Variants in SLC13A5 observed in about 807,000 individuals in gnomAD.
SLC13A5 encodes solute carrier family 13 member 5.
Under a neutral mutation model 56.5 loss-of-function variants are expected in SLC13A5, and 25 were observed. The observed-to-expected ratio is 0.44, with a 90% CI of 0.32 to 0.62. The LOEUF is 0.62. Ranked by LOEUF, SLC13A5 falls within the 20% of genes least tolerant of loss-of-function variation. The pLI is 0.04. For synonymous variants in SLC13A5, 307 were observed against 301.5 expected (o/e 1.02, Z -0.19); for missense variants, 649 against 737.8 (o/e 0.88, Z 1.39).
chr17:6,708,388 C>A (rs865946573), intron 1 of SLC13A5, among the ~76,000 whole-genome samples: 1 of 151,664 alleles, frequency 6.6e-6, no homozygotes, highest in African/African-American at 2.4e-5. Context: ...AACTGTCCTT[C>A]TACCACCACA....
intron 1 of SLC13A5, among the ~76,000 whole-genome samples, chr17:6,709,212 C>T (rs1973952065): frequency 6.6e-6 from 1 of 151,940 alleles, no homozygotes; most frequent in South Asian, 2.1e-4. Flanking sequence ...CCAGAACAGG[C>T]CCAACACTTA....
At position 6,696,234 on chromosome 17, in the gene SLC13A5, C is replaced by T. The variant is rs770120388; in HGVS notation, c.840-293G>A. ...CCTGGGGGAAGGCCATAAGGAGCTTCGGAGCCTGCGCAAGGTGGGAACAGG... is the reference window on the plus strand; with the variant it reads ...CCTGGGGGAAGGCCATAAGGAGCTTTGGAGCCTGCGCAAGGTGGGAACAGG... On this transcript the variant is annotated intron_variant, in intron 6 of 11. Coordinates refer to ENST00000433363, the MANE Select transcript of SLC13A5 (RefSeq NM_177550.5). Among the ~76,000 whole-genome samples, 8 of 152,150 alleles carry T rather than the reference C, an allele frequency of 5.3e-5. No individual in the cohort carries two copies. In the South Asian group the frequency reaches 6.2e-4, roughly 12 times the overall value.
chr17:6,696,029 T>A, intron 6 of SLC13A5, 88 bp from the exon 7 acceptor site: 3 of 1,280,588 alleles, frequency 2.3e-6, no homozygotes, highest in Admixed American at 4.0e-5. Flanking sequence ...TACAGCAGAA[T>A]GTAGCAAAAA....
At chr17:6,710,561 C>T (rs1174569499) in intron 1 of SLC13A5, among the ~76,000 whole-genome samples, 1 of 152,138 alleles carries the variant, frequency 6.6e-6, no homozygotes, top group Non-Finnish European at 1.5e-5. Context: ...AGGTTAACTG[C>T]CCCCTCACCT....
Position 6,707,142 on chromosome 17 carries a change from G to C in SLC13A5, c.117C>G (p.Ala39=). The C allele has an allele frequency of 6.2e-7, 1 of 1,613,978 alleles. No individual in the cohort carries two copies. The highest frequency in any genetic ancestry group is 8.5e-7 in the Non-Finnish European group (1 of 1,179,982). The change falls in exon 2 of 12, where the codon GCC becomes GCG. Residue 39 remains alanine (A), a synonymous_variant. Coordinates refer to ENST00000433363, the MANE Select transcript of SLC13A5 (RefSeq NM_177550.5). ...ILMPAKFVRC[A]YVIILMAIYW... Reference sequence around the variant, plus strand: ...AAATGGCCATGAGGATGATGACGTAGGCACACCTGACAAACTGAAGAGACA... The same window carrying C: ...AAATGGCCATGAGGATGATGACGTACGCACACCTGACAAACTGAAGAGACA...
intron 7 of SLC13A5, chr17:6,695,495 T>G (rs957221463): frequency 2.2e-6 from 1 of 459,160 alleles, no homozygotes; most frequent in African/African-American, 2.0e-5. Context: ...GTTCAAGTGA[T>G]TCTCCTGCCT....
In SLC13A5 at chr17:6,701,723, G is replaced by T. The variant is rs1973719420; in HGVS notation, c.717-597C>A. On this transcript the variant is annotated intron_variant, in intron 5 of 11. Transcript: ENST00000433363. The surrounding 1 kb of genome is among the most constrained non-coding windows in gnomAD (Gnocchi z 4.1). ...AGACTTGTCTCAAAAAGAAAAAAAA[G>T]AAAAATACACCTTTTATACACATGC... is the stretch of plus-strand genomic sequence containing the variant. Among the ~76,000 whole-genome samples, 1 of 152,148 alleles carries T rather than the reference G, an allele frequency of 6.6e-6. No homozygotes were observed. The highest frequency in any genetic ancestry group is 1.5e-5 in the Non-Finnish European group (1 of 68,018).
At position 6,706,624 on chromosome 17, in the gene SLC13A5, G is replaced by A. The variant is rs768098625; in HGVS notation, c.368+18C>T. 6.2e-7 allele frequency: 1 copy of A among 1,611,714 alleles called. No homozygotes were observed. The highest frequency in any genetic ancestry group is 1.7e-5 in the Admixed American group (1 of 59,868). On this transcript the variant is annotated intron_variant, in intron 3 of 11. Coordinates refer to ENST00000433363, the MANE Select transcript of SLC13A5 (RefSeq NM_177550.5). ...GCTCATGCAGAGCCACGTGGCAAGA[G>A]AGAGAAGGCGTAATTACCGTGCAGG... is the stretch of plus-strand genomic sequence containing the variant.
At position 6,698,135 on chromosome 17, in the gene SLC13A5, A is replaced by C. The variant is rs530285174; in HGVS notation, c.840-2194T>G. 2.1e-4 allele frequency among the ~76,000 whole-genome samples: 32 copies of C among 152,344 alleles called. No homozygotes were observed. The South Asian group carries it at 6.6e-3, about 32-fold the overall frequency. Reference sequence around the variant, plus strand: ...TCCTCTACCTTCCAGATCTGGAGCCAAAACAAAGCTGCCGTGAGCTACCCC... The same window carrying C: ...TCCTCTACCTTCCAGATCTGGAGCCCAAACAAAGCTGCCGTGAGCTACCCC... On this transcript the variant is annotated intron_variant, in intron 6 of 11. Transcript: ENST00000433363.
At chr17:6,704,107 G>T in intron 3 of SLC13A5, 51 bp from the exon 4 acceptor site, 1 of 1,561,964 alleles carries the variant, frequency 6.4e-7, no homozygotes, top group South Asian at 1.2e-5. Flanking sequence ...CCCCACCCCC[G>T]TACTCCCTGG....
chr17:6,695,798 A>T lies in SLC13A5; in HGVS notation c.983T>A (p.Ile328Asn). 6.2e-7 allele frequency: 1 copy of T among 1,614,202 alleles called. No individual in the cohort carries two copies. The highest frequency in any genetic ancestry group is 2.2e-5 in the East Asian group (1 of 44,876). The stretch of plus-strand genomic sequence containing the variant: ...GCCGGGGTCTCGGGAGAACCACAGG[A>T]TGACCAGCAGGAAGAAGCAGATCAG... ...NVLICFFLLV[I>N]LWFSRDPGFM... The change falls in exon 7 of 12, where the codon ATC becomes AAC. Residue 328 changes from isoleucine to asparagine, a missense_variant. Ile to Asn is a moderately radical substitution (Grantham distance 149, BLOSUM62 -3). Coordinates refer to ENST00000433363, the MANE Select transcript of SLC13A5 (RefSeq NM_177550.5).
intron 3 of SLC13A5, chr17:6,705,173 A>T (rs970367192): frequency 6.6e-6 from 1 of 152,246 alleles, no homozygotes; most frequent in Non-Finnish European, 1.5e-5. Context: ...ACCCAAAAAA[A>T]AACAAAGCCC....
chr17:6,691,173 T>C lies in SLC13A5; in HGVS notation c.1276-233A>G, dbSNP rs146382566. Among the ~76,000 whole-genome samples the C allele has an allele frequency of 2.1e-3, 317 of 152,346 alleles. 4 individuals carry two copies. The highest frequency in any genetic ancestry group is 7.3e-3 in the African/African-American group (304 of 41,588). On this transcript the variant is annotated intron_variant, in intron 9 of 11. Coordinates refer to ENST00000433363, the MANE Select transcript of SLC13A5 (RefSeq NM_177550.5). ...TACATACCCATATGCCTTCTGGAAA[T>C]GTCCATCCAGATGTCCCAAGAGCAC...
rs267605025 is a variant in SLC13A5 at position 6,703,915 on chromosome 17, C to T, written c.510G>A (p.Leu170=). Residue 170 remains leucine, a synonymous_variant, in exon 4 of 12, where the codon CTG becomes CTA. Transcript: ENST00000433363. ...EATSAATEAG[L]ELVDKGKAKE... ...TGGCCTTGCCCTTGTCCACCAGCTC[C>T]AGGCCGGCCTCGGTGGCTGCGCTTG... 5 of 1,583,668 alleles carry T rather than the reference C, an allele frequency of 3.2e-6. No individual in the cohort carries two copies. Among genetic ancestry groups the T allele is most frequent in the Non-Finnish European group, 4.3e-6 (5 of 1,163,056 alleles).
At chr17:6,704,235 C>A in intron 3 of SLC13A5, 179 bp from the exon 4 acceptor site, 1 of 723,720 alleles carries the variant, frequency 1.4e-6, no homozygotes, top group Non-Finnish European at 2.5e-6. Context: ...CCCTCCTTCC[C>A]TTCTTTGCTT....
chr17:6,704,499 C>T (rs1449395612), intron 3 of SLC13A5: 1 of 343,026 alleles, frequency 2.9e-6, no homozygotes, highest in Admixed American at 3.8e-5. Context: ...CCCACCCACC[C>T]CCAAACTCTG....
At chr17:6,702,825 C>T in intron 5 of SLC13A5, 145 bp downstream of exon 5, 1 of 994,952 alleles carries the variant, frequency 1.0e-6, no homozygotes, top group Admixed American at 2.7e-5. Flanking sequence ...GGGGCCACAT[C>T]TTTCCACCCC....
At chr17:6,686,665 T>G in intron 11 of SLC13A5, 1 of 302,186 alleles carries the variant, frequency 3.3e-6, no homozygotes, top group Non-Finnish European at 6.5e-6. Flanking sequence ...TCCAGGTTCA[T>G]TGCTCACCCC....
chr17:6,707,209 C>A, intron 1 of SLC13A5, 53 bp from the exon 2 acceptor site: 14 of 1,605,284 alleles, frequency 8.7e-6, no homozygotes, highest in South Asian at 1.1e-5. Context: ...TCTCCCCACC[C>A]CCAGAACACT....
Sources: gnomAD v4.1 joint callset for allele counts (sites outside exome capture counted in the v4.1 genomes callset) on GRCh38, gnomAD v4.1.1 for gene constraint, Gnocchi (gnomAD v3.1) non-coding constraint, MANE v1.5 for transcripts, NCBI Gene and HGNC (gene_info 2026-07-23, HGNC 2026-07-21) for gene names.